The following GRIK1 variants were observed in gnomAD, a reference collection of about 807,000 sequenced individuals.
GRIK1 encodes glutamate ionotropic receptor kainate type subunit 1, also known as glutamate receptor ionotropic, kainate 1.
GRIK1 carries 69 observed loss-of-function variants against 105.7 expected under a neutral mutation model. The ratio of observed to expected loss-of-function variants is 0.65; its 90% CI spans 0.54 to 0.80. The LOEUF is 0.80. GRIK1 is among the 30% of genes least tolerant of loss of function. GRIK1 has a pLI of 0.00. For synonymous variants in GRIK1, 438 were observed against 431.3 expected (o/e 1.02, Z -0.19); for missense variants, 1,109 against 1,167.3 (o/e 0.95, Z 0.73).
At chr21:29,541,554 G>A (rs2089969527) in intron 16 of GRIK1, among the ~76,000 whole-genome samples, 1 of 135,050 alleles carries the variant, frequency 7.4e-6, no homozygotes, top group Non-Finnish European at 1.5e-5. Flanking sequence ...TTAACTCTAT[G>A]CCATTCATTG....
chr21:29,591,374 TG>T, intron 9 of GRIK1, 149 bp from the exon 10 acceptor site: 1 of 660,488 alleles, frequency 1.5e-6, no homozygotes. Flanking sequence ...CGTGGGGAAA[TG>T]AAACAACAGA....
intron 1 of GRIK1, among the ~76,000 whole-genome samples, chr21:29,812,611 G>A (rs2067041015): frequency 6.6e-6 from 1 of 152,122 alleles, no homozygotes; most frequent in African/African-American, 2.4e-5. Context: ...ATTCCTTTGT[G>A]AACACTTTAA....
At chr21:29,852,905 A>G (rs1313180975) in intron 1 of GRIK1, among the ~76,000 whole-genome samples, 1 of 152,238 alleles carries the variant, frequency 6.6e-6, no homozygotes, top group Non-Finnish European at 1.5e-5. Flanking sequence ...AAATTTATCA[A>G]TAAACTATGT....
At chr21:29,876,803 C>T (rs931839903) in intron 1 of GRIK1, among the ~76,000 whole-genome samples, 3 of 152,076 alleles carry the variant, frequency 2.0e-5, no homozygotes, top group Non-Finnish European at 2.9e-5. Context: ...AACTGAATAA[C>T]TAAAGTTAGG....
chr21:29,757,185 A>G (rs1318195691), intron 1 of GRIK1, among the ~76,000 whole-genome samples: 4 of 152,160 alleles, frequency 2.6e-5, no homozygotes, highest in Non-Finnish European at 5.9e-5. Context: ...ACTGAAATGT[A>G]TATTTCCCAA....
intron 1 of GRIK1, among the ~76,000 whole-genome samples, chr21:29,839,700 T>C (rs80002580): frequency 1.1e-3 from 168 of 152,066 alleles, no homozygotes; most frequent in Non-Finnish European, 2.0e-3. Context: ...TCAGACCATA[T>C]CTGGAGTAAG....
At chr21:29,808,281 C>T (rs2066916767) in intron 1 of GRIK1, among the ~76,000 whole-genome samples, 1 of 152,134 alleles carries the variant, frequency 6.6e-6, no homozygotes, top group African/African-American at 2.4e-5. Context: ...AAGAGCAGGA[C>T]TCATTGGTGA....
intron 1 of GRIK1, among the ~76,000 whole-genome samples, chr21:29,777,121 G>A (rs1292254539): frequency 6.6e-6 from 1 of 152,132 alleles, no homozygotes; most frequent in Non-Finnish European, 1.5e-5. Flanking sequence ...CCTAGACCAA[G>A]TAACTCAAAA....
intron 1 of GRIK1, among the ~76,000 whole-genome samples, chr21:29,868,514 T>C (rs2068902712): frequency 6.6e-6 from 1 of 151,948 alleles, no homozygotes; most frequent in Non-Finnish European, 1.5e-5. Context: ...TTCTCTCCCT[T>C]CATCACCTAC....
intron 1 of GRIK1, among the ~76,000 whole-genome samples, chr21:29,750,480 G>T (rs537146164): frequency 6.6e-6 from 1 of 152,256 alleles, no homozygotes; most frequent in South Asian, 2.1e-4. Context: ...GAACTACAAA[G>T]ATTTGAGACT....
At chr21:29,857,791 G>A (rs2068507519) in intron 1 of GRIK1, among the ~76,000 whole-genome samples, 1 of 152,064 alleles carries the variant, frequency 6.6e-6, no homozygotes, top group South Asian at 2.1e-4. Flanking sequence ...GGCCATTACT[G>A]GATTTAAGAT....
chr21:29,672,623 T>G (rs2063180337), intron 4 of GRIK1, among the ~76,000 whole-genome samples: 1 of 152,182 alleles, frequency 6.6e-6, no homozygotes, highest in East Asian at 1.9e-4. Context: ...AGTCAGGCAT[T>G]GTGGAAATGA....
chr21:29,537,299 C>A lies in GRIK1; in HGVS notation c.2781G>T (p.Gly927=). The part of the protein sequence containing the change: ...KKIKKKSRTK[G]KSSFTSILTC... ...TAAGGATACTTGTGAAGGAAGATTT[C>A]CCCTTAGTTCTTGACTTTTTCTTTA... The change falls in exon 18 of 18, where the codon GGG becomes GGT. Residue 927 remains glycine (G), a synonymous_variant. Transcript: ENST00000327783. 1 of 1,610,706 alleles carries A rather than the reference C, an allele frequency of 6.2e-7. No homozygotes were observed. The highest frequency in any genetic ancestry group is 8.5e-7 in the Non-Finnish European group (1 of 1,177,496).
At chr21:29,931,699 G>A (rs1290278523) in intron 1 of GRIK1, among the ~76,000 whole-genome samples, 2 of 151,920 alleles carry the variant, frequency 1.3e-5, no homozygotes, top group Admixed American at 6.6e-5. Flanking sequence ...GGAGCTCTAG[G>A]TGCCAGGAGT....
At chr21:29,705,914 C>T (rs1276651709) in intron 1 of GRIK1, among the ~76,000 whole-genome samples, 1 of 148,506 alleles carries the variant, frequency 6.7e-6, no homozygotes, top group African/African-American at 2.5e-5. Flanking sequence ...TGCTCTGTCA[C>T]CCAGGCTGCA....
chr21:29,686,559 G>T (rs867064856), intron 3 of GRIK1, among the ~76,000 whole-genome samples: 4 of 152,136 alleles, frequency 2.6e-5, no homozygotes, highest in South Asian at 4.1e-4. Flanking sequence ...GGTGAAATAG[G>T]GCCAAAAGGC....
At chr21:29,723,579 C>G (rs1366509079) in intron 1 of GRIK1, among the ~76,000 whole-genome samples, 1 of 152,166 alleles carries the variant, frequency 6.6e-6, no homozygotes, top group Non-Finnish European at 1.5e-5. Context: ...TTTGCTTTGT[C>G]TTGTTTTAAT....
chr21:29,919,035 A>G (rs2071100645), intron 1 of GRIK1, among the ~76,000 whole-genome samples: 1 of 151,854 alleles, frequency 6.6e-6, no homozygotes, highest in African/African-American at 2.4e-5. Flanking sequence ...TCCTAGGGGT[A>G]AAGGGTCAAG....
chr21:29,820,744 A>G (rs2067278383), intron 1 of GRIK1, among the ~76,000 whole-genome samples: 1 of 152,042 alleles, frequency 6.6e-6, no homozygotes. Context: ...TGATTATTAA[A>G]ATTTATTATG....
Sources: gnomAD v4.1 joint callset for allele counts (sites outside exome capture counted in the v4.1 genomes callset) on GRCh38, gnomAD v4.1.1 for gene constraint, MANE v1.5 for transcripts, NCBI Gene and HGNC (gene_info 2026-07-23, HGNC 2026-07-21) for gene names.